SORCS2: variants seen among roughly 807,000 people sequenced by gnomAD.
SORCS2 encodes the protein sortilin related VPS10 domain containing receptor 2, also known as VPS10 domain-containing receptor SorCS2.
A neutral mutation model predicts 141.6 loss-of-function variants in SORCS2; 100 were observed. That is an observed-to-expected ratio of 0.71 (90% CI 0.60 to 0.83). SORCS2 has a LOEUF of 0.83. SORCS2 is among the 40% of genes least tolerant of loss of function. SORCS2 has a pLI of 0.00. For missense variants in SORCS2, 1,646 were observed against 1,560.2 expected, an observed-to-expected ratio of 1.05 and a Z score of -0.93; for synonymous variants, 789 against 676.9, an observed-to-expected ratio of 1.17 and a Z score of -2.57.
chr4:7,394,064 G>A (rs4689113), intron 1 of SORCS2, among the ~76,000 whole-genome samples: 1 of 152,110 alleles, frequency 6.6e-6, no homozygotes, highest in South Asian at 2.1e-4. Flanking sequence ...CAAAGCCAAC[G>A]CCGCAGGAAC....
intron 3 of SORCS2, among the ~76,000 whole-genome samples, chr4:7,591,861 T>C (rs1367631370): frequency 6.6e-6 from 1 of 152,042 alleles, no homozygotes. Flanking sequence ...CGCTCTGCGG[T>C]GTTTGTGCTT....
chr4:7,312,501 T>C (rs1718248602), intron 1 of SORCS2, among the ~76,000 whole-genome samples: 1 of 152,098 alleles, frequency 6.6e-6, no homozygotes, highest in African/African-American at 2.4e-5. Flanking sequence ...CCCCCTTCTC[T>C]AGTACCTACC....
intron 1 of SORCS2, among the ~76,000 whole-genome samples, chr4:7,337,837 C>T (rs1323430187): frequency 6.6e-6 from 1 of 152,208 alleles, no homozygotes; most frequent in African/African-American, 2.4e-5. Flanking sequence ...CTGCCACTCC[C>T]AGCTCCTGAG....
At chr4:7,380,978 A>AGGCTGAGG (rs1274511313) in intron 1 of SORCS2, among the ~76,000 whole-genome samples, 2 of 150,934 alleles carry the variant, frequency 1.3e-5, no homozygotes, top group East Asian at 3.9e-4. Context: ...GCTACTCGGG[A>AGGCTGAGG]GGCTGAGGCA....
chr4:7,654,701 C>T (rs1000037047), intron 5 of SORCS2, among the ~76,000 whole-genome samples: 1 of 152,186 alleles, frequency 6.6e-6, no homozygotes, highest in East Asian at 1.9e-4. Flanking sequence ...CTTATCCACA[C>T]CTGGGCCCCC....
At position 7,440,261 on chromosome 4, in the gene SORCS2, G is replaced by A. The variant is rs745648713; in HGVS notation, c.548+43906G>A. On this transcript the variant is annotated intron_variant, in intron 2 of 26. Coordinates refer to ENST00000507866, the MANE Select transcript of SORCS2 (RefSeq NM_020777.3). ...CTGACCTGGAGTCTGGGACCGGGGAGGAGGGAACAAAGAGGGGAGCTCTCT... is the reference window on the plus strand; with the variant it reads ...CTGACCTGGAGTCTGGGACCGGGGAAGAGGGAACAAAGAGGGGAGCTCTCT... 4.6e-5 allele frequency among the ~76,000 whole-genome samples: 7 copies of A among 152,198 alleles called. No individual in the cohort carries two copies. The East Asian group carries it at 1.4e-3, about 29-fold the overall frequency.
At chr4:7,250,200 C>T (rs1321958906) in intron 1 of SORCS2, among the ~76,000 whole-genome samples, 1 of 152,080 alleles carries the variant, frequency 6.6e-6, no homozygotes, top group Non-Finnish European at 1.5e-5. Flanking sequence ...TGAGATCGCG[C>T]CACTGCCCTC....
chr4:7,728,449 G>A lies in SORCS2; in HGVS notation c.2969G>A (p.Arg990Gln), dbSNP rs918128093. The A allele has an allele frequency of 1.6e-5, 26 of 1,612,036 alleles. No individual in the cohort carries two copies. Among genetic ancestry groups the A allele is most frequent in the Non-Finnish European group, 2.1e-5 (25 of 1,179,260 alleles). ...GAAGACGTGGGCCTGGTGGTCACCCGGCTGCTCTCCAAGGTGTCCACCCAG... is the reference window on the plus strand; with the variant it reads ...GAAGACGTGGGCCTGGTGGTCACCCAGCTGCTCTCCAAGGTGTCCACCCAG... ...WREDVGLVVT[R>Q]LLSKETSVPQ... Residue 990 changes from arginine (R) to glutamine (Q), a missense_variant, in exon 22 of 27, where the codon CGG (arginine) becomes CAG (glutamine). Coordinates refer to ENST00000507866, the MANE Select transcript of SORCS2 (RefSeq NM_020777.3).
intron 14 of SORCS2, among the ~76,000 whole-genome samples, chr4:7,707,147 G>T (rs796124499): frequency 7.9e-5 from 12 of 152,342 alleles, no homozygotes; most frequent in African/African-American, 2.9e-4. Flanking sequence ...CCCCCTATGA[G>T]GATGCTCTTC....
chr4:7,281,527 G>T (rs1276949666), intron 1 of SORCS2, among the ~76,000 whole-genome samples: 1 of 152,100 alleles, frequency 6.6e-6, no homozygotes, highest in Non-Finnish European at 1.5e-5. Context: ...CAGTCATCCT[G>T]GTCTTATTCT....
At chr4:7,618,038 G>C (rs1718884160) in intron 3 of SORCS2, among the ~76,000 whole-genome samples, 1 of 151,856 alleles carries the variant, frequency 6.6e-6, no homozygotes, top group East Asian at 1.9e-4. Context: ...CCCCAGCCCT[G>C]ATGCCCCAAT....
chr4:7,647,738 C>T (rs1721172042), intron 4 of SORCS2, among the ~76,000 whole-genome samples: 1 of 152,226 alleles, frequency 6.6e-6, no homozygotes, highest in Non-Finnish European at 1.5e-5. Flanking sequence ...TTCACACCTG[C>T]AGTCTCCTGG....
intron 9 of SORCS2, among the ~76,000 whole-genome samples, chr4:7,679,113 CCAG>C (rs1353193717): frequency 7.5e-6 from 1 of 132,560 alleles, no homozygotes; most frequent in Admixed American, 7.6e-5. Flanking sequence ...TGTTGTGCAC[CCAG>C]CAGCACATCC....
chr4:7,288,567 G>GGGGCGGC (rs1716386786), intron 1 of SORCS2, among the ~76,000 whole-genome samples: 1 of 126,994 alleles, frequency 7.9e-6, no homozygotes, highest in Non-Finnish European at 1.7e-5. Context: ...CGGGGGGCGG[G>GGGGCGGC]GGGAGAGGGG....
intron 2 of SORCS2, among the ~76,000 whole-genome samples, chr4:7,503,518 A>G (rs1732099228): frequency 6.6e-6 from 1 of 152,190 alleles, no homozygotes. Flanking sequence ...ATGGAGACAG[A>G]GAGAGACAGA....
intron 1 of SORCS2, among the ~76,000 whole-genome samples, chr4:7,388,708 C>T (rs1577486092): frequency 6.6e-6 from 1 of 152,242 alleles, no homozygotes; most frequent in East Asian, 1.9e-4. Context: ...TTTTGAAGTG[C>T]CCTTGACCTC....
intron 10 of SORCS2, among the ~76,000 whole-genome samples, chr4:7,685,973 G>A (rs541985117): frequency 6.6e-6 from 1 of 152,324 alleles, no homozygotes; most frequent in South Asian, 2.1e-4. Context: ...ACACCATCCA[G>A]AAAAACAATA....
intron 3 of SORCS2, among the ~76,000 whole-genome samples, chr4:7,600,812 C>G (rs1270312539): frequency 1.3e-5 from 2 of 152,114 alleles, no homozygotes; most frequent in African/African-American, 2.4e-5. Flanking sequence ...TCGTATGAGA[C>G]TTATGGAGAT....
chr4:7,605,298 T>G (rs138263371), intron 3 of SORCS2, among the ~76,000 whole-genome samples: 7 of 152,200 alleles, frequency 4.6e-5, no homozygotes, highest in African/African-American at 1.4e-4. Context: ...AACTCCTGCT[T>G]GCATTCTTTG....
Sources: gnomAD v4.1 joint callset for allele counts (sites outside exome capture counted in the v4.1 genomes callset) on GRCh38, gnomAD v4.1.1 for gene constraint, MANE v1.5 for transcripts, NCBI Gene and HGNC (gene_info 2026-07-23, HGNC 2026-07-21) for gene names.